Variants in ABCB4 observed in about 807,000 individuals in gnomAD.
ABCB4 encodes phosphatidylcholine translocator ABCB4.
A neutral mutation model predicts 145.7 loss-of-function variants in ABCB4; 76 were observed. That is an observed-to-expected ratio of 0.52 (90% CI 0.43 to 0.63). ABCB4 has a LOEUF of 0.63. Ranked by LOEUF, ABCB4 falls within the 30% of genes least tolerant of loss-of-function variation. ABCB4 has a pLI of 0.00. For missense variants in ABCB4, 1,234 were observed against 1,553.1 expected (o/e 0.79, Z 3.45); for synonymous variants, 517 against 566.8 (o/e 0.91, Z 1.25).
At chr7:87,408,584 T>G (rs2116368818) in intron 24 of ABCB4, among the ~76,000 whole-genome samples, 1 of 152,368 alleles carries the variant, frequency 6.6e-6, no homozygotes, top group South Asian at 2.1e-4. Context: ...AGCAACAGTT[T>G]CTACCCAAAG....
At chr7:87,458,987 T>TTAA (rs755312872) in intron 4 of ABCB4, among the ~76,000 whole-genome samples, 27 of 120,698 alleles carry the variant, frequency 2.2e-4, no homozygotes, top group African/African-American at 5.4e-4. Context: ...AGGCACAAGT[T>TTAA]AAAAAAAAAA....
chr7:87,439,735 G>A lies in ABCB4; in HGVS notation c.1663C>T (p.Leu555=), dbSNP rs1180497337. The change falls in exon 14 of 28, where the codon CTG becomes TTG. Residue 555 remains leucine, a synonymous_variant. Transcript: ENST00000649586. ...AATGCTGACGTGGCCTCATCCAGCA[G>A]AAGGATCTTGGGGTTGCGAACCAGG... The part of the protein sequence containing the change: ...RALVRNPKIL[L]LDEATSALDT... 6.2e-7 allele frequency: 1 copy of A among 1,614,168 alleles called. No individual in the cohort carries two copies. The highest frequency in any genetic ancestry group is 1.3e-5 in the African/African-American group (1 of 75,042).
chr7:87,466,971 C>T (rs1283708196), intron 3 of ABCB4, among the ~76,000 whole-genome samples: 1 of 152,172 alleles, frequency 6.6e-6, no homozygotes, highest in East Asian at 1.9e-4. Flanking sequence ...ACCATCAAGG[C>T]TAGGAAGAAA....
chr7:87,390,852 A>G, the ABCB4 span, among the ~76,000 whole-genome samples: 1 of 152,222 alleles, frequency 6.6e-6, no homozygotes, highest in African/African-American at 2.4e-5. Flanking sequence ...ACTTTTTTAT[A>G]TCACACATTT....
rs1057518413 is a variant in ABCB4, at chr7:87,444,908, G to T, written c.1073C>A (p.Ala358Asp). 14 of 1,608,642 alleles carry T rather than the reference G, an allele frequency of 8.7e-6. No individual in the cohort carries two copies. Among genetic ancestry groups the T allele is most frequent in the Non-Finnish European group, 1.2e-5 (14 of 1,179,402 alleles). The change falls in exon 10 of 28, where the codon GCC becomes GAC. Residue 358 changes from alanine (A) to aspartate (D), a missense_variant. This residue lies in a region of ABCB4 where 467 missense variants were observed against 632.8 expected (regional missense o/e 0.74). Transcript: ENST00000649586. Reference protein sequence around the residue: ...GQAAPCIDAFANARGAAYVIF... With the variant: ...GQAAPCIDAFDNARGAAYVIF... ...CACATATGCTGCTCCTCTTGCATTG[G>T]CAAAAGCATCAATACATGGGGCAGC...
intron 22 of ABCB4, 66 bp from the exon 23 acceptor site, chr7:87,412,099 G>A (rs891398461): frequency 2.6e-5 from 41 of 1,594,698 alleles, no homozygotes; most frequent in Non-Finnish European, 3.4e-5. Flanking sequence ...GTAGTGGAAA[G>A]AGCACGGCTT....
downstream of ABCB4, among the ~76,000 whole-genome samples, chr7:87,397,659 A>C (rs1807581348): frequency 6.6e-6 from 1 of 152,222 alleles, no homozygotes; most frequent in Admixed American, 6.5e-5. Context: ...ACAAGGCAGG[A>C]CTTCCTAAAG....
chr7:87,373,506 C>T, the ABCB4 span, among the ~76,000 whole-genome samples: 1 of 151,804 alleles, frequency 6.6e-6, no homozygotes, highest in Non-Finnish European at 1.5e-5. Context: ...AATCTGAGGA[C>T]ATGAAGATTT....
At chr7:87,393,252 C>G in the ABCB4 span, among the ~76,000 whole-genome samples, 1 of 152,126 alleles carries the variant, frequency 6.6e-6, no homozygotes, top group Non-Finnish European at 1.5e-5. Flanking sequence ...TTTTGAGACA[C>G]TTGTCAGATT....
intron 4 of ABCB4, among the ~76,000 whole-genome samples, chr7:87,455,553 T>C (rs1165734050): frequency 2.0e-5 from 3 of 152,208 alleles, no homozygotes; most frequent in African/African-American, 2.4e-5. Flanking sequence ...CCCAGGCAAT[T>C]TGGCCTATGC....
Position 87,472,715 on chromosome 7 carries a change from A to C in ABCB4, c.81-40T>G, listed in dbSNP as rs965188134. 2.2e-5 allele frequency: 31 copies of C among 1,382,300 alleles called. No homozygotes were observed. The Admixed American group carries it at 5.3e-4, about 24-fold the overall frequency. 85.6% of individuals were successfully genotyped at this position (1,382,300 alleles called of 1,614,324 possible). A position where few individuals can be genotyped will look rare whatever the true frequency, so the allele number is the denominator to read the frequency against. On this transcript the variant is annotated intron_variant, in intron 2 of 27. Transcript: ENST00000649586. ...ATTGCTTCAATTTAAAACTGTTACAAAATGTTTTACAATCAATTGAACATA... is the reference window on the plus strand; with the variant it reads ...ATTGCTTCAATTTAAAACTGTTACACAATGTTTTACAATCAATTGAACATA...
intron 3 of ABCB4, among the ~76,000 whole-genome samples, chr7:87,464,064 C>T (rs1027946619): frequency 6.6e-6 from 1 of 152,102 alleles, no homozygotes; most frequent in Non-Finnish European, 1.5e-5. Flanking sequence ...CCATTCCCCC[C>T]ACCTCAGCCC....
chr7:87,395,599 G>C, the ABCB4 span, among the ~76,000 whole-genome samples: 1 of 152,200 alleles, frequency 6.6e-6, no homozygotes, highest in South Asian at 2.1e-4. Flanking sequence ...GAAGGGAAAA[G>C]ATAAACATCA....
intron 10 of ABCB4, 77 bp downstream of exon 10, chr7:87,444,785 A>G: frequency 8.9e-7 from 1 of 1,119,646 alleles, no homozygotes; most frequent in Non-Finnish European, 1.3e-6. Flanking sequence ...GTTGATTCAA[A>G]AATATGCAAA....
chr7:87,474,354 C>G (rs2888611), intron 2 of ABCB4, among the ~76,000 whole-genome samples: 40,023 of 152,138 alleles, frequency 0.26, 6,313 homozygotes, highest in African/African-American at 0.45. Flanking sequence ...ATCACTTTTT[C>G]AATTCTACAT....
intron 4 of ABCB4, among the ~76,000 whole-genome samples, chr7:87,455,456 T>C (rs45505292): frequency 0.029 from 4,404 of 152,228 alleles, 224 homozygotes; most frequent in African/African-American, 0.099. Flanking sequence ...ACAAACCCCA[T>C]TTTATAGAAT....
chr7:87,444,883 C>T lies in ABCB4; in HGVS notation c.1098G>A (p.Val366=), dbSNP rs532978888. ...AFANARGAAY[V]IFDIIDNNPK... is the part of the protein sequence containing the mutation. ...TTACATTATCAATAATATCAAAGAT[C>T]ACATATGCTGCTCCTCTTGCATTGG... The change falls in exon 10 of 28, where the codon GTG becomes GTA. Residue 366 remains valine (V), a synonymous_variant. Coordinates refer to ENST00000649586, the MANE Select transcript of ABCB4 (RefSeq NM_000443.4). 3 of 1,608,634 alleles carry T rather than the reference C, an allele frequency of 1.9e-6. No homozygotes were observed. The highest frequency in any genetic ancestry group is 1.1e-5 in the South Asian group (1 of 90,796).
At chr7:87,458,115 AT>A (rs1296501722) in intron 4 of ABCB4, among the ~76,000 whole-genome samples, 1 of 152,092 alleles carries the variant, frequency 6.6e-6, no homozygotes, top group South Asian at 2.1e-4. Flanking sequence ...TCAAAATGGC[AT>A]TTTTCCCCTC....
chr7:87,372,353 G>A, the ABCB4 span, among the ~76,000 whole-genome samples: 556 of 152,130 alleles, frequency 3.7e-3, 5 homozygotes, highest in African/African-American at 0.012. Flanking sequence ...TTAATCATTT[G>A]CTTTTGTATC....
Sources: gnomAD v4.1 joint callset for allele counts (sites outside exome capture counted in the v4.1 genomes callset) on GRCh38, gnomAD v4.1.1 for gene constraint, gnomAD v4.1.1 regional missense constraint, MANE v1.5 for transcripts, NCBI Gene and HGNC (gene_info 2026-07-23, HGNC 2026-07-21) for gene names.